DIP2B: variants seen among roughly 807,000 people sequenced by gnomAD.
The protein encoded by DIP2B is DIP2 acetate--CoA ligase B (putative).
DIP2B carries 76 observed loss-of-function variants against 198.0 expected under a neutral mutation model. The observed-to-expected ratio is 0.38, with a 90% CI of 0.32 to 0.46. The LOEUF (loss-of-function observed/expected upper bound fraction) is 0.46. DIP2B is among the 20% of genes least tolerant of loss of function. DIP2B has a pLI of 0.99. For synonymous variants in DIP2B, 701 were observed against 739.1 expected, an observed-to-expected ratio of 0.95 and a Z score of 0.84; for missense variants, 1,559 against 1,978.4, an observed-to-expected ratio of 0.79 and a Z score of 4.02.
intron 13 of DIP2B, 146 bp downstream of exon 13, chr12:50,691,297 T>C: frequency 1.3e-6 from 1 of 793,334 alleles, no homozygotes; most frequent in Non-Finnish European, 1.9e-6. Context: ...TTTGTTTTCT[T>C]CTTCTCAAAA....
At chr12:50,601,341 GT>G (rs1411317619) in intron 1 of DIP2B, among the ~76,000 whole-genome samples, 1 of 148,830 alleles carries the variant, frequency 6.7e-6, no homozygotes, top group African/African-American at 2.6e-5. Flanking sequence ...ATATTTTTTT[GT>G]TTGTTTGTTT....
At chr12:50,689,620 CG>C (rs1939188260) in intron 12 of DIP2B, among the ~76,000 whole-genome samples, 1 of 151,834 alleles carries the variant, frequency 6.6e-6, no homozygotes, top group African/African-American at 2.4e-5. Flanking sequence ...GGGGCAGGGA[CG>C]GGGGTAAAGA....
chr12:50,589,208 A>AAAAT, intron 1 of DIP2B, among the ~76,000 whole-genome samples: 1 of 151,390 alleles, frequency 6.6e-6, no homozygotes, highest in East Asian at 1.9e-4. Flanking sequence ...AAATAAAATA[A>AAAAT]AAATAAATAA....
Position 50,648,238 on chromosome 12 carries a change from T to C in DIP2B, c.301+7386T>C, listed in dbSNP as rs180943827. Among the ~76,000 whole-genome samples, 21 of 152,354 alleles carry C rather than the reference T, an allele frequency of 1.4e-4. No homozygotes were observed. In the East Asian group the frequency reaches 3.8e-3, roughly 28 times the overall value. On this transcript the variant is annotated intron_variant, in intron 3 of 37. Transcript: ENST00000301180. ...AACAAATGTTTCAGTGTTATCCTTA[T>C]CTTGGTGGTAAAAGTATTATTTCTT...
At chr12:50,647,529 T>C (rs149513114) in intron 3 of DIP2B, among the ~76,000 whole-genome samples, 17 of 152,338 alleles carry the variant, frequency 1.1e-4, no homozygotes, top group African/African-American at 4.1e-4. Context: ...TGTGATATCC[T>C]ATTTCAGAAG....
intron 2 of DIP2B, chr12:50,633,171 C>T (rs1366786299): frequency 6.6e-6 from 1 of 152,052 alleles, no homozygotes; most frequent in African/African-American, 2.4e-5. Context: ...TCAAATGTTA[C>T]ATAAATCTTT....
At position 50,748,484 on chromosome 12, in the gene DIP2B, A is replaced by G. The variant is rs1940369905; in HGVS notation, c.*3645A>G. The G allele has an allele frequency of 1.3e-5, 2 of 152,806 alleles. No homozygotes were observed. The highest frequency in any genetic ancestry group is 4.1e-4 in the South Asian group (2 of 4,826). The allele number at this position is 152,806 out of a possible 1,614,324, so 9.5% of individuals were successfully genotyped here. ...TGTTTTGTTTACTTTCTGTCAAGAT[A>G]TTTACCCGTGTCAAATTCAAACTAC... is the stretch of plus-strand genomic sequence containing the variant. On this transcript the variant is annotated 3_prime_UTR_variant, in exon 38 of 38. Coordinates refer to ENST00000301180, the MANE Select transcript of DIP2B (RefSeq NM_173602.3).
chr12:50,707,562 G>A (rs536236037), intron 21 of DIP2B, among the ~76,000 whole-genome samples: 16 of 152,318 alleles, frequency 1.1e-4, no homozygotes, highest in South Asian at 4.1e-4. Flanking sequence ...ACACTGTGCC[G>A]CTGTCCTGGA....
chr12:50,558,731 T>C (rs1958492399), intron 1 of DIP2B, among the ~76,000 whole-genome samples: 1 of 152,118 alleles, frequency 6.6e-6, no homozygotes, highest in Non-Finnish European at 1.5e-5. Context: ...AACACAATTT[T>C]GGAAACTGGC....
At chr12:50,556,480 T>C (rs559027783) in intron 1 of DIP2B, among the ~76,000 whole-genome samples, 1 of 152,300 alleles carries the variant, frequency 6.6e-6, no homozygotes, top group South Asian at 2.1e-4. Flanking sequence ...AAATAAATAT[T>C]ACTAATAGTA....
chr12:50,723,243 G>T lies in DIP2B; in HGVS notation c.3208G>T (p.Gly1070Cys), dbSNP rs1329833065. The T allele has an allele frequency of 6.2e-7, 1 of 1,614,124 alleles. No individual in the cohort carries two copies. The highest frequency in any genetic ancestry group is 1.1e-5 in the South Asian group (1 of 91,076). Reference sequence around the variant, plus strand: ...CGCCTTCTATGGCTGCCTGTATGCGGGCTGTATACCTGTGACCGTCAGACC... The same window carrying T: ...CGCCTTCTATGGCTGCCTGTATGCGTGCTGTATACCTGTGACCGTCAGACC... Reference protein sequence around the residue: ...IAAFYGCLYAGCIPVTVRPPH... With the variant: ...IAAFYGCLYACCIPVTVRPPH... Residue 1070 changes from glycine to cysteine, a missense_variant, in exon 27 of 38, where the codon GGC becomes TGC. By Grantham distance (159) the Gly-to-Cys change is radical. Coordinates refer to ENST00000301180, the MANE Select transcript of DIP2B (RefSeq NM_173602.3).
intron 31 of DIP2B, 143 bp downstream of exon 31, chr12:50,731,680 C>A: frequency 1.0e-6 from 1 of 1,004,698 alleles, no homozygotes; most frequent in Non-Finnish European, 1.4e-6. Flanking sequence ...GTATTTTAAA[C>A]TTTGGCAAGT....
intron 1 of DIP2B, among the ~76,000 whole-genome samples, chr12:50,578,842 G>GA (rs1336026739): frequency 1.3e-5 from 2 of 152,052 alleles, no homozygotes; most frequent in African/African-American, 4.8e-5. Context: ...AAGGCTATTT[G>GA]AAAATTTTAT....
intron 16 of DIP2B, among the ~76,000 whole-genome samples, chr12:50,696,487 A>G (rs915476991): frequency 6.6e-6 from 1 of 152,094 alleles, no homozygotes; most frequent in Non-Finnish European, 1.5e-5. Flanking sequence ...TTGCTCATTC[A>G]TGTATAACCT....
intron 1 of DIP2B, among the ~76,000 whole-genome samples, chr12:50,623,286 T>A (rs1937850861): frequency 6.6e-6 from 1 of 151,686 alleles, no homozygotes; most frequent in Non-Finnish European, 1.5e-5. Flanking sequence ...GGTGGGAAGA[T>A]CCCTTGAGCC....
intron 2 of DIP2B, among the ~76,000 whole-genome samples, chr12:50,635,089 A>C (rs1938134534): frequency 6.6e-6 from 1 of 152,250 alleles, no homozygotes; most frequent in Admixed American, 6.5e-5. Context: ...AAGTTGGTAC[A>C]TCTATTTTAA....
chr12:50,609,985 A>G (rs556471721), intron 1 of DIP2B, among the ~76,000 whole-genome samples: 36 of 152,350 alleles, frequency 2.4e-4, no homozygotes, highest in Non-Finnish European at 4.7e-4. Flanking sequence ...CCAAATTCAC[A>G]ATGCCAAAGT....
chr12:50,673,410 T>G (rs1254501840), intron 5 of DIP2B, among the ~76,000 whole-genome samples: 1 of 152,106 alleles, frequency 6.6e-6, no homozygotes, highest in Non-Finnish European at 1.5e-5. Flanking sequence ...ACTAAAAAAC[T>G]ATGTGGTGTT....
At chr12:50,516,643 A>C (rs2139346400) in intron 1 of DIP2B, among the ~76,000 whole-genome samples, 1 of 152,114 alleles carries the variant, frequency 6.6e-6, no homozygotes, top group African/African-American at 2.4e-5. Flanking sequence ...TAACTTACCA[A>C]AGTCAAAAAA....
Sources: allele counts gnomAD v4.1 joint callset (sites outside exome capture counted in the v4.1 genomes callset), GRCh38; gene constraint gnomAD v4.1.1; transcripts MANE v1.5; gene names NCBI Gene and HGNC (gene_info 2026-07-23, HGNC 2026-07-21).